SCN1A: variants seen among roughly 807,000 people sequenced by gnomAD.
SCN1A encodes sodium channel protein type 1 subunit alpha.
A neutral mutation model predicts 193.7 loss-of-function variants in SCN1A; 13 were observed. The observed-to-expected ratio is 0.07, with a 90% CI of 0.04 to 0.11. SCN1A has a LOEUF of 0.11. Among genes scored for constraint, SCN1A ranks in the 10% least tolerant of loss-of-function variants. SCN1A has a pLI of 1.00. For synonymous variants in SCN1A, 781 were observed against 843.6 expected (o/e 0.93, Z 1.29); for missense variants, 1,432 against 2,451.1 (o/e 0.58, Z 8.78).
intron 17 of SCN1A, among the ~76,000 whole-genome samples, chr2:166,038,724 TA>T (rs1696772641): frequency 6.6e-6 from 1 of 152,224 alleles, no homozygotes. Flanking sequence ...GATATTATAA[TA>T]TTAACATCTG....
intron 19 of SCN1A, among the ~76,000 whole-genome samples, chr2:166,029,190 G>C (rs1009297499): frequency 7.9e-5 from 12 of 152,084 alleles, no homozygotes; most frequent in Non-Finnish European, 1.6e-4. Context: ...AAGTAGTATA[G>C]ACTCCATACT....
At chr2:166,098,900 A>C (rs1687709198) in intron 2 of SCN1A, among the ~76,000 whole-genome samples, 1 of 152,202 alleles carries the variant, frequency 6.6e-6, no homozygotes, top group Non-Finnish European at 1.5e-5. Context: ...GCTCATGGGT[A>C]GGAAGAATTA....
chr2:166,110,849 T>G (rs1689219331), intron 2 of SCN1A, among the ~76,000 whole-genome samples: 1 of 152,152 alleles, frequency 6.6e-6, no homozygotes. Flanking sequence ...GCTGATCTTG[T>G]GGTAGTGAAT....
In SCN1A at chr2:165,992,445, C is replaced by T. The variant is rs570458839; in HGVS notation, c.4853-23G>A. The T allele has an allele frequency of 8.7e-6, 14 of 1,612,106 alleles. No homozygotes were observed. The African/African-American group carries it at 1.1e-4, about 12-fold the overall frequency. Reference sequence around the variant, plus strand: ...TACCTATGAATAAACAATGAGAATACCAACCAGTGAAGAAATCATGCGTTA... The same window carrying T: ...TACCTATGAATAAACAATGAGAATATCAACCAGTGAAGAAATCATGCGTTA... On this transcript the variant is annotated intron_variant, in intron 28 of 28. Transcript: ENST00000674923. This position sits in a 1 kb window ranked among gnomAD's most constrained non-coding sequence, Gnocchi z 6.5.
rs1212313834 is a variant in SCN1A, at chr2:165,989,114, C to T, written c.*2131G>A. Reference sequence around the variant, plus strand: ...CCCAATTTGTAATGTAAAAAATCTCCATATCATTAGAATATTCTGTTAACA... The same window carrying T: ...CCCAATTTGTAATGTAAAAAATCTCTATATCATTAGAATATTCTGTTAACA... On this transcript the variant is annotated 3_prime_UTR_variant, in exon 29 of 29. Transcript: ENST00000674923. The T allele has an allele frequency of 6.6e-6, 1 of 150,876 alleles. No homozygotes were observed. The highest frequency in any genetic ancestry group is 2.5e-5 in the African/African-American group (1 of 40,650). The allele number at this position is 150,876 out of a possible 1,614,324, so 9.3% of individuals were successfully genotyped here. A position where few individuals can be genotyped will look rare whatever the true frequency, so the allele number is the denominator to read the frequency against.
chr2:166,079,031 T>G (rs925011509), intron 2 of SCN1A, among the ~76,000 whole-genome samples: 4 of 151,648 alleles, frequency 2.6e-5, no homozygotes, highest in Non-Finnish European at 5.9e-5. Context: ...TAATAGAGGT[T>G]GTTTTTAAAA....
At chr2:166,065,790 GGTA>G (rs1417466754) in intron 4 of SCN1A, among the ~76,000 whole-genome samples, 1 of 152,050 alleles carries the variant, frequency 6.6e-6, no homozygotes, top group African/African-American at 2.4e-5. Flanking sequence ...AGTGACAATA[GGTA>G]CCTGCCAGTT....
At position 166,045,220 on chromosome 2, in the gene SCN1A, C is replaced by G. The variant is rs201362569; in HGVS notation, c.1485G>C (p.Lys495Asn). 6.2e-7 allele frequency: 1 copy of G among 1,614,122 alleles called. No individual in the cohort carries two copies. Among genetic ancestry groups the G allele is most frequent in the Non-Finnish European group, 8.5e-7 (1 of 1,180,026 alleles). The change falls in exon 13 of 29, where the codon AAG becomes AAC. Residue 495 changes from lysine to asparagine, a missense_variant. Lys to Asn is a moderately conservative substitution (Grantham distance 94). This residue lies in a region of SCN1A where 316 missense variants were observed against 362.1 expected (regional missense o/e 0.87). Transcript: ENST00000674923. The part of the protein sequence containing the change: ...EASKLSSKSA[K>N]ERRNRRKKRK... ...TTTTCTTCCTCCGATTTCTTCTTTCCTTAGCACTCTTGGAACTCAACTTAG... is the reference window on the plus strand; with the variant it reads ...TTTTCTTCCTCCGATTTCTTCTTTCGTTAGCACTCTTGGAACTCAACTTAG...
intron 1 of SCN1A, among the ~76,000 whole-genome samples, chr2:166,141,220 T>A (rs1692067275): frequency 6.6e-6 from 1 of 152,112 alleles, no homozygotes; most frequent in African/African-American, 2.4e-5. Flanking sequence ...ATTTCTAATG[T>A]CAATTGACTT....
At position 165,990,912 on chromosome 2, in the gene SCN1A, C is replaced by T. The variant is rs933247955; in HGVS notation, c.*333G>A. 13 of 267,470 alleles carry T rather than the reference C, an allele frequency of 4.9e-5. No homozygotes were observed. Among genetic ancestry groups the T allele is most frequent in the African/African-American group, 8.9e-5 (4 of 45,124 alleles). 16.6% of individuals were successfully genotyped at this position (267,470 alleles called of 1,614,324 possible). On this transcript the variant is annotated 3_prime_UTR_variant, in exon 29 of 29. Transcript: ENST00000674923. ...GCAAACAGTGGATACAATTACTACA[C>T]TAAAGTGTTTCATGTTAAACAACCC...
chr2:166,017,407 G>C (rs76236041), intron 19 of SCN1A, among the ~76,000 whole-genome samples: 4,419 of 151,994 alleles, frequency 0.029, 247 homozygotes, highest in African/African-American at 0.1. Context: ...AGTGGCAGGC[G>C]TTAGTCACAT....
At chr2:166,018,761 G>T (rs1693640188) in intron 19 of SCN1A, among the ~76,000 whole-genome samples, 1 of 152,010 alleles carries the variant, frequency 6.6e-6, no homozygotes, top group South Asian at 2.1e-4. Context: ...GAGTTGGCAT[G>T]CAATTGGACA....
intron 3 of SCN1A, among the ~76,000 whole-genome samples, chr2:166,076,419 C>T (rs970766493): frequency 9.2e-5 from 14 of 151,982 alleles, no homozygotes; most frequent in African/African-American, 3.1e-4. Flanking sequence ...AGAGACAGTC[C>T]ATGTCTTTGA....
Position 166,146,030 on chromosome 2 carries a change from T to TA in SCN1A, c.-50+3016dup, listed in dbSNP as rs909078140. Among the ~76,000 whole-genome samples the TA allele has an allele frequency of 2.5e-4, 38 of 152,096 alleles. 1 individual carries two copies. The highest frequency in any genetic ancestry group is 4.4e-5 in the Non-Finnish European group (3 of 68,026). On this transcript the variant is annotated intron_variant, in intron 1 of 26. Coordinates refer to the SCN1A transcript ENST00000635750. ...AGCCCACATCTTTAATAAAATTTATTAAATTGAAAAGGTGATTGGTGTAGG... is the reference window on the plus strand; with the variant it reads ...AGCCCACATCTTTAATAAAATTTATTAAAATTGAAAAGGTGATTGGTGTAGG...
intron 2 of SCN1A, among the ~76,000 whole-genome samples, chr2:166,122,767 T>C (rs576985593): frequency 1.3e-5 from 2 of 152,290 alleles, no homozygotes; most frequent in African/African-American, 4.8e-5. Flanking sequence ...GCTAAAATTA[T>C]ACAACTAGTT....
intron 2 of SCN1A, among the ~76,000 whole-genome samples, chr2:166,113,247 A>G (rs1689489462): frequency 6.6e-6 from 1 of 152,166 alleles, no homozygotes. Flanking sequence ...CGACCCACAT[A>G]TTTGATGTCA....
intron 19 of SCN1A, among the ~76,000 whole-genome samples, chr2:166,020,370 G>A (rs1034745888): frequency 2.0e-5 from 3 of 152,032 alleles, no homozygotes; most frequent in African/African-American, 4.8e-5. Flanking sequence ...CATTCTAATG[G>A]ACTTACTTAC....
At position 166,043,676 on chromosome 2, in the gene SCN1A, T is replaced by A. The variant is rs1237576656; in HGVS notation, c.2036A>T (p.Asp679Val). 6.2e-7 allele frequency: 1 copy of A among 1,613,774 alleles called. No individual in the cohort carries two copies. The highest frequency in any genetic ancestry group is 1.3e-5 in the African/African-American group (1 of 74,912). Residue 679 changes from aspartate to valine, a missense_variant, in exon 14 of 29, where the codon GAT becomes GTT. Around this residue, in one of 18 missense-constraint regions of SCN1A, gnomAD observed 316 missense variants for 362.1 expected, o/e 0.87. Transcript: ENST00000674923. ...PEVIIDKPAT[D>V]DNGTTTETEM... ...TATTTAAAACTTCCTTACATTGTCA[T>A]CAGTAGCTGGCTTATCTATTATCAC...
At chr2:166,070,561 G>T (rs1684308023) in intron 4 of SCN1A, among the ~76,000 whole-genome samples, 1 of 152,154 alleles carries the variant, frequency 6.6e-6, no homozygotes. Flanking sequence ...CAAGAATCTG[G>T]CTGTCACTTC....
Sources: allele counts gnomAD v4.1 joint callset (sites outside exome capture counted in the v4.1 genomes callset), GRCh38; gene constraint gnomAD v4.1.1; regional missense constraint gnomAD v4.1.1; non-coding constraint Gnocchi (gnomAD v3.1); transcripts MANE v1.5; gene names NCBI Gene and HGNC (gene_info 2026-07-23, HGNC 2026-07-21).